LILRA5: variants seen among roughly 807,000 people sequenced by gnomAD.
LILRA5 encodes leukocyte immunoglobulin-like receptor subfamily A member 5.
A neutral mutation model predicts 36.3 loss-of-function variants in LILRA5; 31 were observed. The observed-to-expected ratio is 0.85, with a 90% CI of 0.64 to 1.15. LILRA5 has a LOEUF of 1.15. LILRA5 is among the 50% of genes most tolerant of loss of function. LILRA5 has a pLI of 0.00. For synonymous variants in LILRA5, 144 were observed against 144.8 expected, an observed-to-expected ratio of 0.99 and a Z score of 0.04; for missense variants, 348 against 377.4, an observed-to-expected ratio of 0.92 and a Z score of 0.64.
At chr19:54,312,185 C>T (rs1476521635) in intron 3 of LILRA5, 37 bp from the exon 4 acceptor site, 3 of 1,611,232 alleles carry the variant, frequency 1.9e-6, no homozygotes, top group African/African-American at 2.7e-5. Flanking sequence ...CAAGACCTCC[C>T]CACCCCTCAG....
Position 54,311,536 on chromosome 19 carries a change from G to C in LILRA5, c.590C>G (p.Ala197Gly). The change falls in exon 5 of 7, where the codon GCC becomes GGC. Residue 197 changes from alanine (A) to glycine (G), a missense_variant. Coordinates refer to ENST00000432233, the MANE Select transcript of LILRA5 (RefSeq NM_021250.4). ...GGTCACAGGGCCCACAGGGAACAGGGCCTGGAACTGCCCACTGGGGGTCAG... is the reference window on the plus strand; with the variant it reads ...GGTCACAGGGCCCACAGGGAACAGGCCCTGGAACTGCCCACTGGGGGTCAG... ...SQLTPSGQFQ[A>G]LFPVGPVTPS... 2 of 1,614,166 alleles carry C rather than the reference G, an allele frequency of 1.2e-6. No individual in the cohort carries two copies. The highest frequency in any genetic ancestry group is 8.5e-7 in the Non-Finnish European group (1 of 1,180,030).
Position 54,312,609 on chromosome 19 carries a change from G to A in LILRA5, c.16C>T (p.His6Tyr). MAPWS[H>Y]PSAQLQPVGG... ...ACTGGCTGCAGCTGTGCAGATGGAT[G>A]AGACCATGGTGCCTGGCAGGACAGA... is the stretch of plus-strand genomic sequence containing the variant. Residue 6 changes from histidine (H) to tyrosine (Y), a missense_variant, in exon 2 of 7, where the codon CAT (histidine) becomes TAT (tyrosine). By Grantham distance (83) the His-to-Tyr change is moderately conservative. Coordinates refer to ENST00000432233, the MANE Select transcript of LILRA5 (RefSeq NM_021250.4). 1 of 1,614,184 alleles carries A rather than the reference G, an allele frequency of 6.2e-7. No homozygotes were observed. Among genetic ancestry groups the A allele is most frequent in the East Asian group, 2.2e-5 (1 of 44,882 alleles).
intron 5 of LILRA5, chr19:54,308,985 A>T (rs936789721): frequency 6.6e-6 from 1 of 152,182 alleles, no homozygotes. Flanking sequence ...ACAAAAATTG[A>T]TATGCGGTTT....
In LILRA5 at chr19:54,311,652, C is replaced by T; in HGVS notation, c.474G>A (p.Val158=). Residue 158 remains valine, a synonymous_variant, in exon 5 of 7, where the codon GTG becomes GTA. Transcript: ENST00000432233. ...PSPVVTSGEN[V]TLQCGSRLRF... ...TCAGCCGTGAGCCACACTGGAGGGT[C>T]ACGTTCTCTCCTGAGGTCACCACAG... 6.2e-7 allele frequency: 1 copy of T among 1,614,216 alleles called. No homozygotes were observed. Among genetic ancestry groups the T allele is most frequent in the Non-Finnish European group, 8.5e-7 (1 of 1,180,042 alleles).
At chr19:54,312,871 G>T in intron 1 of LILRA5, 146 bp downstream of exon 1, 1 of 1,026,236 alleles carries the variant, frequency 9.7e-7, no homozygotes, top group Non-Finnish European at 1.5e-6. Flanking sequence ...CTCACTGAGA[G>T]CCGGGACACA....
intron 5 of LILRA5, chr19:54,309,203 G>T (rs988279896): frequency 1.3e-5 from 2 of 152,080 alleles, no homozygotes; most frequent in African/African-American, 4.8e-5. Context: ...GGTGGCTCAC[G>T]CCTGTAATCC....
intron 5 of LILRA5, chr19:54,310,647 G>A (rs2080989864): frequency 4.1e-6 from 1 of 245,668 alleles, no homozygotes; most frequent in Non-Finnish European, 8.3e-6. Context: ...GCCCCACAAG[G>A]TCAGAAATGA....
Position 54,311,920 on chromosome 19 carries a change from T to A in LILRA5, c.353A>T (p.Tyr118Phe). Residue 118 changes from tyrosine (Y) to phenylalanine (F), a missense_variant, in exon 4 of 7, where the codon TAC (tyrosine) becomes TTC (phenylalanine). By Grantham distance (22) the Tyr-to-Phe change is conservative (BLOSUM62 3). Coordinates refer to ENST00000432233, the MANE Select transcript of LILRA5 (RefSeq NM_021250.4). Reference protein sequence around the residue: ...EHHAGRYRCYYYSPAGWSEPS... With the variant: ...EHHAGRYRCYFYSPAGWSEPS... Reference sequence around the variant, plus strand: ...CTCTGACCAGCCTGCAGGGCTGTAGTAGTAACAGCGGTATCTCCCTGCATG... The same window carrying A: ...CTCTGACCAGCCTGCAGGGCTGTAGAAGTAACAGCGGTATCTCCCTGCATG... 1 of 1,614,180 alleles carries A rather than the reference T, an allele frequency of 6.2e-7. No individual in the cohort carries two copies. The highest frequency in any genetic ancestry group is 2.2e-5 in the East Asian group (1 of 44,878).
rs2080896230 is a variant in LILRA5 at position 54,307,324 on chromosome 19, G to A, written c.*89C>T. On this transcript the variant is annotated 3_prime_UTR_variant, in exon 7 of 7. Transcript: ENST00000432233. ...GCCAGCAGACAGTCCAGATGGCATA[G>A]GCCTCAGATGGTCTTCCCGAACCTC... is the stretch of plus-strand genomic sequence containing the variant. 3 of 1,306,046 alleles carry A rather than the reference G, an allele frequency of 2.3e-6. No homozygotes were observed. Among genetic ancestry groups the A allele is most frequent in the African/African-American group, 3.0e-5 (2 of 67,238 alleles). The allele number at this position is 1,306,046 out of a possible 1,614,324, so 80.9% of individuals were successfully genotyped here.
chr19:54,313,067 C>G lies in LILRA5; in HGVS notation c.-48G>C. 6.2e-7 allele frequency: 1 copy of G among 1,611,912 alleles called. No individual in the cohort carries two copies. The highest frequency in any genetic ancestry group is 8.5e-7 in the Non-Finnish European group (1 of 1,178,800). Reference sequence around the variant, plus strand: ...GAGATGCTTCAGGGAAGATGCAGGTCCATGCCACAGGCAGACTCAGATCAG... The same window carrying G: ...GAGATGCTTCAGGGAAGATGCAGGTGCATGCCACAGGCAGACTCAGATCAG... On this transcript the variant is annotated 5_prime_UTR_variant, in exon 1 of 7. Coordinates refer to ENST00000432233, the MANE Select transcript of LILRA5 (RefSeq NM_021250.4).
Position 54,312,051 on chromosome 19 carries a change from C to T in LILRA5, c.222G>A (p.Gln74=). The T allele has an allele frequency of 1.2e-6, 2 of 1,614,146 alleles. No homozygotes were observed. Residue 74 remains glutamine, a synonymous_variant, in exon 4 of 7, where the codon CAG becomes CAA. Coordinates refer to ENST00000432233, the MANE Select transcript of LILRA5 (RefSeq NM_021250.4). ...TTCCCTCTTTAACCAGACGGTATTC[C>T]TGGGCCTCCAGGGTCCCCTGACACC... ...TIRCQGTLEA[Q]EYRLVKEGSP...
chr19:54,310,873 G>A (rs1263654723), intron 5 of LILRA5: 2 of 254,576 alleles, frequency 7.9e-6, no homozygotes, highest in Non-Finnish European at 1.6e-5. Context: ...AGACACACCT[G>A]GAAGGATAAA....
At chr19:54,307,596 A>G (rs1234524577) in intron 6 of LILRA5, 47 bp from the exon 7 acceptor site, 32 of 1,613,720 alleles carry the variant, frequency 2.0e-5, no homozygotes, top group Non-Finnish European at 2.6e-5. Flanking sequence ...GCAGATCAGT[A>G]TCACCCAGGA....
intron 3 of LILRA5, 87 bp from the exon 4 acceptor site, chr19:54,312,235 T>C: frequency 6.2e-7 from 1 of 1,612,040 alleles, no homozygotes; most frequent in Non-Finnish European, 8.5e-7. Flanking sequence ...GACGTCCCCA[T>C]CAATCACCCA....
intron 5 of LILRA5, chr19:54,310,934 C>T (rs11671231): frequency 0.016 from 3,677 of 233,898 alleles, 44 homozygotes; most frequent in Middle Eastern, 0.026. Context: ...CTTCTGGAGT[C>T]TCCCTTGCTC....
Position 54,311,860 on chromosome 19 carries a change from T to C in LILRA5, c.409+4A>G, listed in dbSNP as rs751799490. The C allele has an allele frequency of 1.9e-5, 31 of 1,614,128 alleles. No individual in the cohort carries two copies. Among genetic ancestry groups the C allele is most frequent in the Middle Eastern group, 1.7e-4 (1 of 6,056 alleles). ...GGAGCTGGGACCCCAGAGTGTCCTC[T>C]CACCTGTCACCACCAGCTCCAGGGG... On this transcript the variant is annotated splice_donor_region_variant and intron_variant, in intron 4 of 6. Coordinates refer to ENST00000432233, the MANE Select transcript of LILRA5 (RefSeq NM_021250.4).
intron 5 of LILRA5, chr19:54,311,082 A>G: frequency 2.7e-6 from 1 of 367,104 alleles, no homozygotes; most frequent in South Asian, 2.5e-5. Context: ...CAGCCTCCCA[A>G]GTAGCTGGGA....
At position 54,312,595 on chromosome 19, in the gene LILRA5, C is replaced by T. The variant is rs1297142870; in HGVS notation, c.30G>A (p.Gln10=). 2 of 1,614,212 alleles carry T rather than the reference C, an allele frequency of 1.2e-6. No homozygotes were observed. The highest frequency in any genetic ancestry group is 1.7e-6 in the Non-Finnish European group (2 of 1,180,020). Residue 10 remains glutamine, a synonymous_variant, in exon 2 of 7, where the codon CAG becomes CAA. Transcript: ENST00000432233. MAPWSHPSA[Q]LQPVGGDAVS... is the part of the protein sequence containing the mutation. ...CGGCGTCTCCTCCCACTGGCTGCAGCTGTGCAGATGGATGAGACCATGGTG... is the reference window on the plus strand; with the variant it reads ...CGGCGTCTCCTCCCACTGGCTGCAGTTGTGCAGATGGATGAGACCATGGTG...
rs759070744 is a variant in LILRA5 at position 54,312,527 on chromosome 19, C to A, written c.88+10G>T. 1 of 1,614,068 alleles carries A rather than the reference C, an allele frequency of 6.2e-7. No homozygotes were observed. The highest frequency in any genetic ancestry group is 1.1e-5 in the South Asian group (1 of 91,094). ...CTAGGGTGCCCCTTCCCTGAGGCTT[C>A]CAATCTCACCGAGGCAGAGCAGAAC... On this transcript the variant is annotated intron_variant, in intron 2 of 6. Transcript: ENST00000432233.
Sources: allele counts gnomAD v4.1 joint callset, GRCh38; gene constraint gnomAD v4.1.1; transcripts MANE v1.5; gene names NCBI Gene and HGNC (gene_info 2026-07-23, HGNC 2026-07-21).